The following WDPCP variants were observed in gnomAD, a reference collection of about 807,000 sequenced individuals.
WDPCP encodes WD repeat-containing and planar cell polarity effector protein fritz homolog.
WDPCP carries 71 observed loss-of-function variants against 93.1 expected under a neutral mutation model. The observed-to-expected ratio is 0.76, with a 90% CI of 0.63 to 0.93. The LOEUF (loss-of-function observed/expected upper bound fraction) is 0.93. WDPCP is among the 40% of genes least tolerant of loss of function. The pLI, the probability that WDPCP is intolerant of heterozygous loss-of-function variation, is 0.00. For missense variants in WDPCP, 844 were observed against 887.4 expected (o/e 0.95, Z 0.62); for synonymous variants, 315 against 315.0 (o/e 1.00, Z 0.00).
At chr2:63,670,460 A>G (rs1470031368) in intron 2 of WDPCP, among the ~76,000 whole-genome samples, 1 of 152,154 alleles carries the variant, frequency 6.6e-6, no homozygotes, top group African/African-American at 2.4e-5. Context: ...GACCAAGTAC[A>G]TTGGGAAAGG....
Position 63,378,403 on chromosome 2 carries a change from G to T in WDPCP, c.1731C>A (p.Phe577Leu), listed in dbSNP as rs778132438. Residue 577 changes from phenylalanine to leucine, a missense_variant, in exon 12 of 18, where the codon TTC becomes TTA. By Grantham distance (22) the Phe-to-Leu change is conservative. Coordinates refer to ENST00000272321, the MANE Select transcript of WDPCP (RefSeq NM_015910.7). ...TCATTCACCTGAGCAAGTGATGGAA[G>T]AATCTCCTTGCATATTTGCTGATTT... Reference protein sequence around the residue: ...RDQISKYARRFFHHLLRYQRF... With the variant: ...RDQISKYARRLFHHLLRYQRF... 1.7e-5 allele frequency: 28 copies of T among 1,612,974 alleles called. No homozygotes were observed. Among genetic ancestry groups the T allele is most frequent in the Non-Finnish European group, 2.2e-5 (26 of 1,179,370 alleles).
At chr2:63,267,117 G>A (rs1575018678) in intron 13 of WDPCP, among the ~76,000 whole-genome samples, 1 of 152,096 alleles carries the variant, frequency 6.6e-6, no homozygotes, top group South Asian at 2.1e-4. Flanking sequence ...CATAGTACTG[G>A]CATAAAAACA....
At chr2:63,256,009 C>T (rs1298564266) in intron 14 of WDPCP, among the ~76,000 whole-genome samples, 5 of 152,098 alleles carry the variant, frequency 3.3e-5, no homozygotes, top group African/African-American at 1.2e-4. Context: ...AACTACAAAA[C>T]ATTTTTCATA....
At position 63,201,834 on chromosome 2, in the gene WDPCP, C is replaced by A. The variant is rs1011475385; in HGVS notation, c.1916-27002G>T. Among the ~76,000 whole-genome samples the A allele has an allele frequency of 3.3e-5, 5 of 152,188 alleles. No homozygotes were observed. In the South Asian group the frequency reaches 8.3e-4, roughly 25 times the overall value. ...TTGTATGAAGTATTCTCTTATAATA[C>A]TTAAAATTTTCTGTTTGGTAATTAT... On this transcript the variant is annotated intron_variant, in intron 14 of 17. Coordinates refer to ENST00000272321, the MANE Select transcript of WDPCP (RefSeq NM_015910.7).
At chr2:63,698,390 G>T (rs185891385) in intron 2 of WDPCP, among the ~76,000 whole-genome samples, 2 of 152,292 alleles carry the variant, frequency 1.3e-5, no homozygotes, top group East Asian at 3.9e-4. Context: ...CATGCCAACT[G>T]ATTTGCCTCA....
At chr2:63,834,870 G>T in the WDPCP span, among the ~76,000 whole-genome samples, 2 of 152,158 alleles carry the variant, frequency 1.3e-5, no homozygotes, top group Admixed American at 6.5e-5. Context: ...GATATTTTTC[G>T]TTAGCAGCTG....
chr2:63,323,297 C>T (rs1472431407), intron 12 of WDPCP, among the ~76,000 whole-genome samples: 1 of 152,176 alleles, frequency 6.6e-6, no homozygotes, highest in African/African-American at 2.4e-5. Flanking sequence ...GTCTCTGGTG[C>T]TTTTCTAGTT....
intron 17 of WDPCP, among the ~76,000 whole-genome samples, chr2:63,151,584 A>G (rs144554000): frequency 2.8e-4 from 43 of 152,332 alleles, no homozygotes; most frequent in African/African-American, 6.5e-4. Context: ...TTTAAAATAT[A>G]TACAATTTAT....
Position 63,534,879 on chromosome 2 carries a change from A to G in WDPCP, c.76-41939T>C, listed in dbSNP as rs190586884. Among the ~76,000 whole-genome samples, 24 of 152,066 alleles carry G rather than the reference A, an allele frequency of 1.6e-4. No individual in the cohort carries two copies. In the East Asian group the frequency reaches 2.5e-3, roughly 16 times the overall value. The stretch of plus-strand genomic sequence containing the variant: ...TGGCCAGGGCAATCAGGCAGGAGAA[A>G]GAAATAAAGGGTATTCAATTAGGAA... On this transcript the variant is annotated intron_variant, in intron 1 of 17. Transcript: ENST00000272321.
At chr2:63,619,987 G>A (rs532948872) in intron 3 of WDPCP, among the ~76,000 whole-genome samples, 23 of 152,196 alleles carry the variant, frequency 1.5e-4, no homozygotes, top group African/African-American at 4.6e-4. Flanking sequence ...GGTGCATTCC[G>A]GCCCAGATAC....
At chr2:63,172,106 T>C (rs188601837) in intron 15 of WDPCP, among the ~76,000 whole-genome samples, 36 of 152,284 alleles carry the variant, frequency 2.4e-4, no homozygotes, top group Middle Eastern at 3.4e-3. Context: ...AAACCTAAAC[T>C]GTGGTGATGG....
At chr2:63,383,241 T>C (rs1303475894) in intron 10 of WDPCP, among the ~76,000 whole-genome samples, 1 of 151,888 alleles carries the variant, frequency 6.6e-6, no homozygotes, top group Non-Finnish European at 1.5e-5. Flanking sequence ...CAGAAAACAA[T>C]AACAAGACAT....
At chr2:63,745,823 C>T (rs981515421) in intron 2 of WDPCP, among the ~76,000 whole-genome samples, 6 of 152,120 alleles carry the variant, frequency 3.9e-5, no homozygotes, top group Non-Finnish European at 8.8e-5. Context: ...CTCTTTTCTT[C>T]TTTATGAAGT....
chr2:63,575,946 T>C (rs1708082660), intron 1 of WDPCP, among the ~76,000 whole-genome samples: 1 of 152,146 alleles, frequency 6.6e-6, no homozygotes, highest in Non-Finnish European at 1.5e-5. Context: ...GCACAATTCA[T>C]AATTTGGCAT....
chr2:63,484,585 G>T lies in WDPCP; in HGVS notation c.384+19C>A, dbSNP rs780339816. ...GCTCCATTGGTTAAACACTGCAAAG[G>T]CTTGTCAAATCATTTTACCTGACAG... On this transcript the variant is annotated intron_variant, in intron 6 of 17. Transcript: ENST00000272321. 7 of 1,612,234 alleles carry T rather than the reference G, an allele frequency of 4.3e-6. No individual in the cohort carries two copies. In the Admixed American group the frequency reaches 6.7e-5, roughly 15 times the overall value.
chr2:63,511,560 A>C (rs1702233659), intron 1 of WDPCP, among the ~76,000 whole-genome samples: 1 of 152,198 alleles, frequency 6.6e-6, no homozygotes, highest in Non-Finnish European at 1.5e-5. Flanking sequence ...ATATAGACCT[A>C]TGGAACAGAA....
intron 2 of WDPCP, among the ~76,000 whole-genome samples, chr2:63,659,790 T>A (rs1033001784): frequency 3.9e-5 from 6 of 152,130 alleles, no homozygotes; most frequent in Non-Finnish European, 7.4e-5. Flanking sequence ...CCACAGAGTA[T>A]CCTCTAATGG....
chr2:63,194,807 C>CA (rs1369361604), intron 14 of WDPCP, among the ~76,000 whole-genome samples: 4 of 152,074 alleles, frequency 2.6e-5, no homozygotes, highest in Non-Finnish European at 4.4e-5. Context: ...TTTATTCCAG[C>CA]ATAACTTGAT....
At chr2:63,710,250 G>C (rs1030318254) in intron 2 of WDPCP, among the ~76,000 whole-genome samples, 4 of 152,124 alleles carry the variant, frequency 2.6e-5, no homozygotes, top group Non-Finnish European at 5.9e-5. Flanking sequence ...GTAAGATCGG[G>C]GTATTTATTC....
Sources: gnomAD v4.1 joint callset for allele counts (sites outside exome capture counted in the v4.1 genomes callset) on GRCh38, gnomAD v4.1.1 for gene constraint, MANE v1.5 for transcripts, NCBI Gene and HGNC (gene_info 2026-07-23, HGNC 2026-07-21) for gene names.